Variants in DPF3 observed in about 807,000 individuals in gnomAD.
DPF3 encodes zinc finger protein DPF3.
DPF3 carries 18 observed loss-of-function variants against 56.8 expected under a neutral mutation model. The observed-to-expected ratio is 0.32, with a 90% CI of 0.22 to 0.47. The LOEUF (loss-of-function observed/expected upper bound fraction) is 0.47, where lower values mean the gene tolerates loss of function less well. DPF3 is among the 20% of genes least tolerant of loss of function. The probability of loss-of-function intolerance (pLI) is 1.00; values close to 1 mark genes in which losing one functional copy is unlikely to be tolerated. For synonymous variants in DPF3, 188 were observed against 180.2 expected (o/e 1.04, Z -0.35); for missense variants, 403 against 488.8 (o/e 0.82, Z 1.65).
At chr14:72,779,810 C>T (rs572530860) in intron 1 of DPF3, among the ~76,000 whole-genome samples, 2 of 152,372 alleles carry the variant, frequency 1.3e-5, no homozygotes, top group Admixed American at 1.3e-4. Context: ...TGATACCCAC[C>T]ATGTGATGCA....
intron 8 of DPF3, among the ~76,000 whole-genome samples, chr14:72,658,962 A>G (rs1886129714): frequency 6.6e-6 from 1 of 152,124 alleles, no homozygotes; most frequent in East Asian, 1.9e-4. Context: ...ACACTGAAAA[A>G]TGGGGAGATC....
chr14:72,721,764 G>A (rs1889183096), intron 5 of DPF3, among the ~76,000 whole-genome samples: 1 of 151,970 alleles, frequency 6.6e-6, no homozygotes, highest in African/African-American at 2.4e-5. Context: ...ACACACACAA[G>A]CACACACCTT....
chr14:72,884,589 G>A (rs1886441852), intron 1 of DPF3, among the ~76,000 whole-genome samples: 1 of 151,940 alleles, frequency 6.6e-6, no homozygotes, highest in Non-Finnish European at 1.5e-5. Context: ...TCTCCTGGCT[G>A]TTTGGAAGGA....
At chr14:72,627,471 A>G (rs1884901620) in intron 9 of DPF3, among the ~76,000 whole-genome samples, 1 of 151,964 alleles carries the variant, frequency 6.6e-6, no homozygotes, top group South Asian at 2.1e-4. Context: ...ATGTAGTTGG[A>G]TCTATTTATG....
At chr14:72,781,027 T>A (rs758914) in intron 1 of DPF3, among the ~76,000 whole-genome samples, 125,911 of 152,186 alleles carry the variant, frequency 0.83, 52,208 homozygotes, top group South Asian at 0.88. Context: ...CCTGAGAAAT[T>A]TGAGACTAGC....
intron 9 of DPF3, among the ~76,000 whole-genome samples, chr14:72,622,304 GA>G (rs1272060426): frequency 1.3e-5 from 2 of 152,108 alleles, no homozygotes; most frequent in East Asian, 3.9e-4. Flanking sequence ...GACAGGCAGA[GA>G]AAAAAAGACT....
intron 1 of DPF3, among the ~76,000 whole-genome samples, chr14:72,807,462 T>C (rs1567239713): frequency 6.6e-6 from 1 of 152,198 alleles, no homozygotes; most frequent in Non-Finnish European, 1.5e-5. Flanking sequence ...ACTCTGATAC[T>C]GCCCCTTTGA....
chr14:72,841,161 G>GTTT, intron 1 of DPF3, among the ~76,000 whole-genome samples: 1 of 151,802 alleles, frequency 6.6e-6, no homozygotes, highest in East Asian at 1.9e-4. Flanking sequence ...TTTCTAGCTT[G>GTTT]TTTGGGGGTC....
At chr14:72,637,894 A>C (rs869296490) in intron 8 of DPF3, among the ~76,000 whole-genome samples, 3 of 151,864 alleles carry the variant, frequency 2.0e-5, no homozygotes, top group African/African-American at 7.3e-5. Flanking sequence ...GCCCAGTCCG[A>C]TCCAATGTCG....
At position 72,771,889 on chromosome 14, in the gene DPF3, C is replaced by T. The variant is rs969094032; in HGVS notation, c.37G>A (p.Gly13Arg). ...TVIHNPLKAL[G>R]DQFYKEAIEH... ...ATGGCTTCCTTGTAGAACTGGTCCC[C>T]GAGCCTGCCAGAGTCAGAGAGTGAA... Residue 13 changes from glycine (G) to arginine (R), a missense_variant, in exon 2 of 11, where the codon GGG becomes AGG. By Grantham distance (125) the Gly-to-Arg change is moderately radical (BLOSUM62 -2). This residue lies in a region of DPF3 where 340 missense variants were observed against 374.3 expected (regional missense o/e 0.91). Coordinates refer to ENST00000556509, the MANE Select transcript of DPF3 (RefSeq NM_001280542.3). 1.1e-5 allele frequency: 18 copies of T among 1,582,690 alleles called. No homozygotes were observed. Among genetic ancestry groups the T allele is most frequent in the Non-Finnish European group, 1.4e-5 (16 of 1,164,734 alleles).
chr14:72,796,426 C>T (rs1892649048), intron 1 of DPF3, among the ~76,000 whole-genome samples: 1 of 152,054 alleles, frequency 6.6e-6, no homozygotes, highest in Non-Finnish European at 1.5e-5. Flanking sequence ...TCACTTGAGC[C>T]CGGGAGGCGG....
intron 4 of DPF3, among the ~76,000 whole-genome samples, chr14:72,727,575 C>CA (rs575342495): frequency 0.046 from 5,263 of 115,506 alleles, 142 homozygotes; most frequent in Admixed American, 0.1. Context: ...GACTCCATCT[C>CA]AAAAAAAAAA....
At chr14:72,809,490 G>C (rs1275219417) in intron 1 of DPF3, among the ~76,000 whole-genome samples, 1 of 152,224 alleles carries the variant, frequency 6.6e-6, no homozygotes. Context: ...GTGCAGGCAT[G>C]ATGGCTCCCC....
chr14:72,697,380 G>A (rs946442537), intron 6 of DPF3, among the ~76,000 whole-genome samples: 2 of 152,144 alleles, frequency 1.3e-5, no homozygotes, highest in African/African-American at 2.4e-5. Flanking sequence ...CAGGCAAAGA[G>A]GGACATCAAA....
At chr14:72,674,982 T>G (rs533922709) in intron 7 of DPF3, among the ~76,000 whole-genome samples, 1 of 152,346 alleles carries the variant, frequency 6.6e-6, no homozygotes, top group African/African-American at 2.4e-5. Context: ...GACCCATTGA[T>G]CATGGAAAGT....
chr14:72,658,506 C>G (rs1317061884), intron 8 of DPF3, among the ~76,000 whole-genome samples: 1 of 151,982 alleles, frequency 6.6e-6, no homozygotes, highest in Non-Finnish European at 1.5e-5. Flanking sequence ...GACAACTGGT[C>G]ATCAATAAGA....
chr14:72,737,945 C>T (rs1889964443), intron 3 of DPF3, among the ~76,000 whole-genome samples: 1 of 151,682 alleles, frequency 6.6e-6, no homozygotes, highest in Non-Finnish European at 1.5e-5. Context: ...AAAATACAAA[C>T]ATGCAGTTTT....
intron 1 of DPF3, among the ~76,000 whole-genome samples, chr14:72,885,618 G>T (rs1886517237): frequency 6.6e-6 from 1 of 151,890 alleles, no homozygotes; most frequent in Admixed American, 6.6e-5. Flanking sequence ...GTCCAGGCTG[G>T]TCTTGAATGC....
intron 1 of DPF3, among the ~76,000 whole-genome samples, chr14:72,775,160 C>CA (rs796132202): frequency 2.6e-4 from 37 of 143,672 alleles, no homozygotes; most frequent in South Asian, 8.9e-4. Flanking sequence ...GACAGACTGC[C>CA]AAAAAAAAAA....
Sources: gnomAD v4.1 joint callset for allele counts (sites outside exome capture counted in the v4.1 genomes callset) on GRCh38, gnomAD v4.1.1 for gene constraint, gnomAD v4.1.1 regional missense constraint, MANE v1.5 for transcripts, NCBI Gene and HGNC (gene_info 2026-07-23, HGNC 2026-07-21) for gene names.